The following RYR2 variants were observed in gnomAD, a reference collection of about 807,000 sequenced individuals.
RYR2 encodes the protein cardiac muscle ryanodine receptor-calcium release channel.
A neutral mutation model predicts 601.1 loss-of-function variants in RYR2; 227 were observed. The ratio of observed to expected loss-of-function variants is 0.38; its 90% CI spans 0.34 to 0.42. RYR2 has a LOEUF of 0.42. Ranked by LOEUF, RYR2 falls within the 10% of genes least tolerant of loss-of-function variation. The pLI is 1.00. For missense variants in RYR2, 4,646 were observed against 6,156.5 expected (o/e 0.75, Z 8.21); for synonymous variants, 2,223 against 2,175.1 (o/e 1.02, Z -0.61).
intron 1 of RYR2, among the ~76,000 whole-genome samples, chr1:237,045,199 C>T (rs1244007796): frequency 6.6e-6 from 1 of 152,124 alleles, no homozygotes; most frequent in Non-Finnish European, 1.5e-5. Flanking sequence ...ATTCAGCACC[C>T]CAGCACATTG....
At chr1:237,173,623 T>C (rs1677667495) in intron 1 of RYR2, among the ~76,000 whole-genome samples, 1 of 152,226 alleles carries the variant, frequency 6.6e-6, no homozygotes, top group African/African-American at 2.4e-5. Flanking sequence ...GATCTCTTTC[T>C]CTGCATGTTA....
chr1:237,405,324 G>A (rs934142871), intron 10 of RYR2, among the ~76,000 whole-genome samples: 11 of 152,124 alleles, frequency 7.2e-5, no homozygotes, highest in African/African-American at 2.7e-4. Context: ...CAAGGGCAGT[G>A]GGGTGATCAA....
Position 237,152,919 on chromosome 1 carries a change from G to GTA in RYR2, c.48+110351_48+110352dup, listed in dbSNP as rs1188228062. On this transcript the variant is annotated intron_variant, in intron 1 of 104. Coordinates refer to ENST00000366574, the MANE Select transcript of RYR2 (RefSeq NM_001035.3). The stretch of plus-strand genomic sequence containing the variant: ...TTGCAGTTACCCATCTGACAAAGGT[G>GTA]TAAATATCCAGAATTTACAAGGGAC... Among the ~76,000 whole-genome samples the GTA allele has an allele frequency of 8.9e-5, 8 of 90,354 alleles. No individual in the cohort carries two copies. In the East Asian group the frequency reaches 2.0e-3, roughly 23 times the overall value. The allele number at this position is 90,354 out of a possible 152,430, so 59.3% of individuals were successfully genotyped here. A position where few individuals can be genotyped will look rare whatever the true frequency, so the allele number is the denominator to read the frequency against.
At chr1:237,136,945 A>T (rs1672852936) in intron 1 of RYR2, among the ~76,000 whole-genome samples, 1 of 144,900 alleles carries the variant, frequency 6.9e-6, no homozygotes, top group African/African-American at 2.6e-5. Context: ...TGAACCAAGG[A>T]GGCAGAGGTT....
intron 29 of RYR2, among the ~76,000 whole-genome samples, chr1:237,589,576 GC>G (rs1559074002): frequency 6.6e-6 from 1 of 152,072 alleles, no homozygotes; most frequent in East Asian, 1.9e-4. Context: ...CTTATCTAGG[GC>G]CCACAGCTAG....
intron 1 of RYR2, among the ~76,000 whole-genome samples, chr1:237,259,086 C>T (rs1453789510): frequency 1.3e-5 from 2 of 152,032 alleles, no homozygotes; most frequent in Non-Finnish European, 2.9e-5. Flanking sequence ...ATTACCAAGG[C>T]ACACTGTTAA....
At chr1:237,597,025 A>G (rs1055199896) in intron 34 of RYR2, among the ~76,000 whole-genome samples, 11 of 152,224 alleles carry the variant, frequency 7.2e-5, no homozygotes, top group Admixed American at 5.2e-4. Context: ...GCTGGAAGCA[A>G]AAGGATGGTA....
intron 2 of RYR2, among the ~76,000 whole-genome samples, chr1:237,309,600 A>G (rs1322366237): frequency 1.3e-5 from 2 of 152,230 alleles, no homozygotes; most frequent in African/African-American, 2.4e-5. Flanking sequence ...CCGCAGGCGG[A>G]GCTGCCACCA....
Position 237,454,506 on chromosome 1 carries a change from T to C in RYR2, c.1408T>C (p.Leu470=), listed in dbSNP as rs1278315981. ...IGYFHPPDEH[L]EHEDKQNRLR... The stretch of plus-strand genomic sequence containing the variant: ...CTACTTCCACCCCCCAGATGAGCAT[T>C]TAGAGCATGAAGACAAACAGAACAG... Residue 470 remains leucine, a synonymous_variant, in exon 15 of 105, where the codon TTA becomes CTA. Transcript: ENST00000366574. The C allele has an allele frequency of 6.2e-7, 1 of 1,613,420 alleles. No individual in the cohort carries two copies. Among genetic ancestry groups the C allele is most frequent in the Non-Finnish European group, 8.5e-7 (1 of 1,179,674 alleles).
At chr1:237,356,707 T>C (rs867931691) in intron 4 of RYR2, among the ~76,000 whole-genome samples, 4 of 152,092 alleles carry the variant, frequency 2.6e-5, no homozygotes, top group South Asian at 2.1e-4. Flanking sequence ...TCCTTATCTG[T>C]TAGGAAAAAA....
chr1:237,816,389 A>C (rs1043381845), intron 100 of RYR2, among the ~76,000 whole-genome samples: 15 of 152,210 alleles, frequency 9.9e-5, no homozygotes, highest in African/African-American at 3.4e-4. Flanking sequence ...ACAGATTTGG[A>C]GAAAAGCAAT....
intron 2 of RYR2, among the ~76,000 whole-genome samples, chr1:237,301,575 G>C (rs1055404333): frequency 4.6e-5 from 7 of 152,024 alleles, no homozygotes; most frequent in Non-Finnish European, 7.4e-5. Context: ...TCTTCTTTAA[G>C]ATATTTCTCC....
rs974833291 is a variant in RYR2 at position 237,783,988 on chromosome 1, G to A, written c.12276G>A (p.Lys4092=). The change falls in exon 90 of 105, where the codon AAG becomes AAA. Residue 4092 remains lysine, a synonymous_variant. Coordinates refer to ENST00000366574, the MANE Select transcript of RYR2 (RefSeq NM_001035.3). The part of the protein sequence containing the change: ...EFVKRFHEPA[K]DIGFNVAVLL... ...TCAAACGCTTCCACGAACCTGCGAA[G>A]GACATCGGCTTCAACGTCGCCGTCC... 8 of 1,613,728 alleles carry A rather than the reference G, an allele frequency of 5.0e-6. No homozygotes were observed. The African/African-American group carries it at 8.0e-5, about 16-fold the overall frequency.
intron 80 of RYR2, among the ~76,000 whole-genome samples, chr1:237,753,700 G>A (rs912735990): frequency 6.6e-6 from 1 of 152,100 alleles, no homozygotes; most frequent in Non-Finnish European, 1.5e-5. Context: ...AGACTAAACT[G>A]CAGGTGGTGT....
At chr1:237,130,075 T>A (rs532738630) in intron 1 of RYR2, among the ~76,000 whole-genome samples, 1 of 152,214 alleles carries the variant, frequency 6.6e-6, no homozygotes, top group East Asian at 1.9e-4. Context: ...TGCTTGAGAA[T>A]TGCTAAGAGA....
At chr1:237,768,865 C>A (rs1169042795) in intron 84 of RYR2, among the ~76,000 whole-genome samples, 1 of 152,112 alleles carries the variant, frequency 6.6e-6, no homozygotes, top group Non-Finnish European at 1.5e-5. Context: ...CTCCCTAACC[C>A]CTCCCCTCTT....
At chr1:237,586,365 A>G (rs907728454) in intron 29 of RYR2, among the ~76,000 whole-genome samples, 4 of 152,222 alleles carry the variant, frequency 2.6e-5, no homozygotes, top group Admixed American at 1.3e-4. Context: ...TTTTTGTACC[A>G]TTTAAAATTC....
intron 63 of RYR2, among the ~76,000 whole-genome samples, chr1:237,697,571 T>C (rs1022263939): frequency 1.4e-5 from 2 of 147,948 alleles, no homozygotes; most frequent in African/African-American, 2.5e-5. Context: ...CCTGCTATTA[T>C]GTTATATGCT....
chr1:237,243,629 G>A (rs1162598588), intron 1 of RYR2, among the ~76,000 whole-genome samples: 2 of 152,090 alleles, frequency 1.3e-5, no homozygotes, highest in Admixed American at 6.6e-5. Flanking sequence ...AGGCTATAGC[G>A]TGGGACCCTA....
Sources: allele counts gnomAD v4.1 joint callset (sites outside exome capture counted in the v4.1 genomes callset), GRCh38; gene constraint gnomAD v4.1.1; transcripts MANE v1.5; gene names NCBI Gene and HGNC (gene_info 2026-07-23, HGNC 2026-07-21).